The following CNTNAP3 variants were observed in gnomAD, a reference collection of about 807,000 sequenced individuals.
The protein encoded by CNTNAP3 is contactin-associated protein-like 3.
Under a neutral mutation model 92.1 loss-of-function variants are expected in CNTNAP3, and 36 were observed. The ratio of observed to expected loss-of-function variants is 0.39; its 90% confidence interval spans 0.30 to 0.52. The LOEUF is 0.52. CNTNAP3 is among the 20% of genes least tolerant of loss of function. The pLI, the probability that CNTNAP3 is intolerant of heterozygous loss-of-function variation, is 0.76. For synonymous variants in CNTNAP3, 232 were observed against 422.3 expected (o/e 0.55, Z 5.53); for missense variants, 534 against 1,069.6 (o/e 0.50, Z 6.98).
intron 13 of CNTNAP3, among the ~76,000 whole-genome samples, chr9:39,119,516 C>T (rs992686631): frequency 6.6e-6 from 1 of 152,096 alleles, no homozygotes; most frequent in Non-Finnish European, 1.5e-5. Context: ...CCGACTTCAC[C>T]ATTAAACTGT....
chr9:39,118,370 A>G, intron 13 of CNTNAP3, 111 bp from the exon 14 acceptor site: 1 of 1,460,796 alleles, frequency 6.8e-7, no homozygotes. Flanking sequence ...AGACAGAGAG[A>G]GAGAAAATGA....
intron 18 of CNTNAP3, among the ~76,000 whole-genome samples, chr9:39,099,501 A>G (rs1293631537): frequency 6.6e-6 from 1 of 152,206 alleles, no homozygotes; most frequent in East Asian, 1.9e-4. Flanking sequence ...CGATTGCTCA[A>G]GCCTAGGAGT....
rs1468226102 is a variant in CNTNAP3, at chr9:39,252,866, T to C, written c.197-13680A>G. Among the ~76,000 whole-genome samples, 8 of 9,564 alleles carry C rather than the reference T, an allele frequency of 8.4e-4. 3 individuals are homozygous for C. Among genetic ancestry groups the C allele is most frequent in the African/African-American group, 1.2e-3 (8 of 6,938 alleles). The allele number at this position is 9,564 out of a possible 152,430, so 6.3% of individuals were successfully genotyped here. A position where few individuals can be genotyped will look rare whatever the true frequency, so the allele number is the denominator to read the frequency against. ...TACAGTCAGTATATACTAACATATA[T>C]GTATATGTGTATATGTACTGACATA... On this transcript the variant is annotated intron_variant, in intron 2 of 23. Transcript: ENST00000297668.
chr9:39,083,611 A>G (rs543346199), intron 21 of CNTNAP3, among the ~76,000 whole-genome samples: 104 of 146,270 alleles, frequency 7.1e-4, no homozygotes, highest in Non-Finnish European at 2.4e-4. Context: ...GTGAGCCGAG[A>G]TTGCGCCACT....
At position 39,174,352 on chromosome 9, in the gene CNTNAP3, G is replaced by A. The variant is rs1245598143; in HGVS notation, c.1071+1597C>T. The A allele has an allele frequency of 1.0e-5, 6 of 575,372 alleles. No homozygotes were observed. In the African/African-American group the frequency reaches 1.2e-4, roughly 12 times the overall value. The allele number at this position is 575,372 out of a possible 1,614,324, so 35.6% of individuals were successfully genotyped here. On this transcript the variant is annotated intron_variant, in intron 7 of 23. Coordinates refer to ENST00000297668, the MANE Select transcript of CNTNAP3 (RefSeq NM_033655.5). The stretch of plus-strand genomic sequence containing the variant: ...TGATCTCAGCAGGGTGCTGTTCATA[G>A]TAAAACTTAGACTTCAAACCCATCT...
At chr9:39,076,479 T>C in intron 23 of CNTNAP3, among the ~76,000 whole-genome samples, 1 of 152,284 alleles carries the variant, frequency 6.6e-6, no homozygotes, top group East Asian at 1.9e-4. Context: ...AGGTCATGTA[T>C]TTTTAATTTA....
chr9:39,089,275 C>A (rs957189788), intron 18 of CNTNAP3, among the ~76,000 whole-genome samples: 2 of 151,944 alleles, frequency 1.3e-5, no homozygotes, highest in African/African-American at 4.9e-5. Context: ...GGTTCCTATT[C>A]AAGAGATTTC....
At chr9:39,129,652 A>G (rs1453942280) in intron 13 of CNTNAP3, among the ~76,000 whole-genome samples, 2 of 152,302 alleles carry the variant, frequency 1.3e-5, no homozygotes, top group African/African-American at 4.8e-5. Flanking sequence ...CAAAATTAAA[A>G]CTTTTGCTCT....
intron 14 of CNTNAP3, among the ~76,000 whole-genome samples, chr9:39,114,689 TC>T (rs1820812766): frequency 1.3e-5 from 2 of 152,270 alleles, no homozygotes; most frequent in South Asian, 4.1e-4. Flanking sequence ...CAGAGTTTAC[TC>T]ATATTTATTA....
intron 21 of CNTNAP3, among the ~76,000 whole-genome samples, chr9:39,084,305 G>C (rs1826019045): frequency 6.8e-6 from 1 of 147,422 alleles, no homozygotes; most frequent in African/African-American, 2.5e-5. Flanking sequence ...CCATTCTCCT[G>C]CCTCAGCCTC....
chr9:39,094,585 T>C (rs1826285850), intron 18 of CNTNAP3, among the ~76,000 whole-genome samples: 1 of 151,620 alleles, frequency 6.6e-6, no homozygotes, highest in Non-Finnish European at 1.5e-5. Flanking sequence ...TTCCTACCTT[T>C]ATGTTGAATA....
At chr9:39,184,066 G>A (rs1169133206) in intron 4 of CNTNAP3, among the ~76,000 whole-genome samples, 1 of 145,582 alleles carries the variant, frequency 6.9e-6, no homozygotes, top group Non-Finnish European at 1.5e-5. Context: ...TAACGTTTTT[G>A]AAATACACGC....
At chr9:39,124,979 A>G in intron 13 of CNTNAP3, among the ~76,000 whole-genome samples, 1 of 152,082 alleles carries the variant, frequency 6.6e-6, no homozygotes. Flanking sequence ...AACTAGAAAT[A>G]CCATTTGACC....
intron 15 of CNTNAP3, among the ~76,000 whole-genome samples, chr9:39,107,974 G>A (rs930393887): frequency 6.6e-6 from 1 of 152,160 alleles, no homozygotes; most frequent in Admixed American, 6.5e-5. Flanking sequence ...GAGCTGTGAG[G>A]AGTCTGAGAT....
At chr9:39,123,182 C>T (rs1587719380) in intron 13 of CNTNAP3, among the ~76,000 whole-genome samples, 1 of 151,038 alleles carries the variant, frequency 6.6e-6, no homozygotes, top group East Asian at 1.9e-4. Flanking sequence ...GCAAGCTCCG[C>T]CTCCTGGGTT....
rs374006111 is a variant in CNTNAP3 at position 39,121,482 on chromosome 9, A to G, written c.2081-3223T>C. 3.9e-5 allele frequency among the ~76,000 whole-genome samples: 6 copies of G among 152,270 alleles called. No homozygotes were observed. In the East Asian group the frequency reaches 7.7e-4, roughly 20 times the overall value. On this transcript the variant is annotated intron_variant, in intron 13 of 23. Coordinates refer to ENST00000297668, the MANE Select transcript of CNTNAP3 (RefSeq NM_033655.5). ...CAACAAGAAAAAAGCTGCACTAACT[A>G]AAAATAAACAGTTCTTCTTACACAG...
chr9:39,147,027 A>T (rs1378008642), intron 10 of CNTNAP3, among the ~76,000 whole-genome samples: 1 of 152,106 alleles, frequency 6.6e-6, no homozygotes, highest in Admixed American at 6.5e-5. Flanking sequence ...TGCTGTTCTC[A>T]TGATAGTGAA....
At chr9:39,084,532 A>T (rs970626591) in intron 21 of CNTNAP3, among the ~76,000 whole-genome samples, 3 of 152,134 alleles carry the variant, frequency 2.0e-5, no homozygotes, top group African/African-American at 7.2e-5. Flanking sequence ...TGAATCGAAG[A>T]TTTACAGGGA....
intron 13 of CNTNAP3, among the ~76,000 whole-genome samples, 187 bp from the exon 14 acceptor site, chr9:39,118,446 C>T (rs533436684): frequency 6.6e-6 from 1 of 152,134 alleles, no homozygotes; most frequent in South Asian, 2.1e-4. Flanking sequence ...ATGTTTTTCC[C>T]CCAATATTTC....
Sources: gnomAD v4.1 joint callset for allele counts (sites outside exome capture counted in the v4.1 genomes callset) on GRCh38, gnomAD v4.1.1 for gene constraint, MANE v1.5 for transcripts, NCBI Gene and HGNC (gene_info 2026-07-23, HGNC 2026-07-21) for gene names.